The following PLAGL1 variants were observed in gnomAD, a reference collection of about 807,000 sequenced individuals.
The protein encoded by PLAGL1 is zinc finger protein PLAGL1.
Under a neutral mutation model 4.6 loss-of-function variants are expected in PLAGL1, and 1 was observed. The ratio of observed to expected loss-of-function variants is 0.22; its 90% CI spans 0.08 to 1.03. The LOEUF (loss-of-function observed/expected upper bound fraction) is 1.03. Ranked by LOEUF, PLAGL1 falls within the 50% of genes least tolerant of loss-of-function variation. The pLI is 0.58. For missense variants in PLAGL1, 464 were observed against 570.4 expected, an observed-to-expected ratio of 0.81 and a Z score of 1.90; for synonymous variants, 240 against 237.8, an observed-to-expected ratio of 1.01 and a Z score of -0.08.
Position 143,953,999 on chromosome 6 carries a change from G to T in PLAGL1, c.-324-5539C>A, listed in dbSNP as rs1394249758. 6.6e-6 allele frequency among the ~76,000 whole-genome samples: 1 copy of T among 152,174 alleles called. No homozygotes were observed. The highest frequency in any genetic ancestry group is 1.9e-4 in the East Asian group (1 of 5,186). On this transcript the variant is annotated intron_variant, in intron 6 of 7. Transcript: ENST00000674357. This position sits in a 1 kb window ranked among gnomAD's most constrained non-coding sequence, Gnocchi z 5.3. Reference sequence around the variant, plus strand: ...CTCGCTATGGAGACTGTATGAAAGTGGGGGAGTAGCCTGACACAGGGTGAA... The same window carrying T: ...CTCGCTATGGAGACTGTATGAAAGTTGGGGAGTAGCCTGACACAGGGTGAA...
chr6:144,044,918 A>G (rs185852988), intron 1 of PLAGL1, among the ~76,000 whole-genome samples: 181 of 148,932 alleles, frequency 1.2e-3, no homozygotes, highest in African/African-American at 4.1e-3. Context: ...TCACTTTACC[A>G]TTATGTAATG....
rs1393547401 is a variant in PLAGL1, at chr6:143,950,393, A to C, written c.-324-1933T>G. On this transcript the variant is annotated intron_variant, in intron 6 of 7. Coordinates refer to ENST00000674357, the MANE Select transcript of PLAGL1 (RefSeq NM_001317162.2). This position sits in a 1 kb window ranked among gnomAD's most constrained non-coding sequence, Gnocchi z 6.3. ...CCTCAACAGCCCTGGTCACAAACAA[A>C]ATAACTCCTTCTAGGAATTCTATTC... 1.3e-5 allele frequency among the ~76,000 whole-genome samples: 2 copies of C among 152,180 alleles called. No individual in the cohort carries two copies. Among genetic ancestry groups the C allele is most frequent in the African/African-American group, 4.8e-5 (2 of 41,438 alleles).
At position 143,953,265 on chromosome 6, in the gene PLAGL1, C is replaced by G. The variant is rs889968148; in HGVS notation, c.-324-4805G>C. ...TTATCCTCATTGTAGGAAGCACTAC[C>G]TGCCCTTCTATTCTGCTCTGAGAGA... On this transcript the variant is annotated intron_variant, in intron 6 of 7. Coordinates refer to ENST00000674357, the MANE Select transcript of PLAGL1 (RefSeq NM_001317162.2). The surrounding 1 kb of genome is among the most constrained non-coding windows in gnomAD (Gnocchi z 5.3). Among the ~76,000 whole-genome samples the G allele has an allele frequency of 6.6e-6, 1 of 152,238 alleles. No individual in the cohort carries two copies. Among genetic ancestry groups the G allele is most frequent in the African/African-American group, 2.4e-5 (1 of 41,458 alleles).
At position 143,957,125 on chromosome 6, in the gene PLAGL1, T is replaced by C. The variant is rs2247408; in HGVS notation, c.-325+3344A>G. Among the ~76,000 whole-genome samples, 93,277 of 152,214 alleles carry C rather than the reference T, an allele frequency of 0.61. 29,361 individuals carry two copies. The highest frequency in any genetic ancestry group is 0.7 in the Non-Finnish European group (47,351 of 68,018). On this transcript the variant is annotated intron_variant, in intron 6 of 7. Transcript: ENST00000674357. The surrounding 1 kb of genome is among the most constrained non-coding windows in gnomAD (Gnocchi z 4.2). ...GGCCTCCTCACCTCTCCCCACCATA[T>C]GCATTGTATTTTTAAATAGAAACAG... is the stretch of plus-strand genomic sequence containing the variant.
At chr6:144,054,389 A>T (rs1798793280) in intron 1 of PLAGL1, among the ~76,000 whole-genome samples, 1 of 152,258 alleles carries the variant, frequency 6.6e-6, no homozygotes, top group Non-Finnish European at 1.5e-5. Flanking sequence ...AAAATGTGGT[A>T]CATATATACC....
chr6:143,950,875 TTTTAC>T lies in PLAGL1; in HGVS notation c.-324-2420_-324-2416del, dbSNP rs1780922402. On this transcript the variant is annotated intron_variant, in intron 6 of 7. Coordinates refer to ENST00000674357, the MANE Select transcript of PLAGL1 (RefSeq NM_001317162.2). This position sits in a 1 kb window ranked among gnomAD's most constrained non-coding sequence, Gnocchi z 6.3. ...AAATGTGCCTCTGAGAAACTGAAAC[TTTTAC>T]TTTATTTAACTTTAATTTAAATTGC... Among the ~76,000 whole-genome samples the T allele has an allele frequency of 6.6e-6, 1 of 152,188 alleles. No homozygotes were observed.
chr6:144,017,073 T>A (rs553762327), intron 1 of PLAGL1, among the ~76,000 whole-genome samples: 2 of 152,108 alleles, frequency 1.3e-5, no homozygotes, highest in Non-Finnish European at 2.9e-5. Flanking sequence ...TTCAAACAGA[T>A]TGTGCACCAT....
Position 143,947,299 on chromosome 6 carries a change from C to T in PLAGL1, c.152+686G>A, listed in dbSNP as rs1779994821. ...TTACTCTCAGGACCTGGATCAGCCC[C>T]CACATTTCATCCCTGGACTCTGAGA... On this transcript the variant is annotated intron_variant, in intron 7 of 7. Transcript: ENST00000674357. The surrounding 1 kb of genome is among the most constrained non-coding windows in gnomAD (Gnocchi z 4.3). Among the ~76,000 whole-genome samples, 1 of 152,206 alleles carries T rather than the reference C, an allele frequency of 6.6e-6. No homozygotes were observed. Among genetic ancestry groups the T allele is most frequent in the Non-Finnish European group, 1.5e-5 (1 of 68,032 alleles).
rs1210150985 is a variant in PLAGL1 at position 143,955,838 on chromosome 6, G to A, written c.-325+4631C>T. Among the ~76,000 whole-genome samples, 1 of 152,166 alleles carries A rather than the reference G, an allele frequency of 6.6e-6. No homozygotes were observed. Among genetic ancestry groups the A allele is most frequent in the East Asian group, 1.9e-4 (1 of 5,172 alleles). On this transcript the variant is annotated intron_variant, in intron 6 of 7. Transcript: ENST00000674357. This position sits in a 1 kb window ranked among gnomAD's most constrained non-coding sequence, Gnocchi z 4.9. Reference sequence around the variant, plus strand: ...GAGAGAACACAGGCCTGCACAAGGAGAGAGGGCAGGTTCCAGTGACACTCT... The same window carrying A: ...GAGAGAACACAGGCCTGCACAAGGAAAGAGGGCAGGTTCCAGTGACACTCT...
intron 1 of PLAGL1, among the ~76,000 whole-genome samples, chr6:144,062,883 G>C (rs1364146656): frequency 6.6e-6 from 1 of 152,198 alleles, no homozygotes; most frequent in Non-Finnish European, 1.5e-5. Context: ...CCATAGGGCA[G>C]GACACATTGG....
At chr6:143,943,979 A>C (rs1285273030) in intron 7 of PLAGL1, among the ~76,000 whole-genome samples, 1 of 152,222 alleles carries the variant, frequency 6.6e-6, no homozygotes, top group Non-Finnish European at 1.5e-5. Context: ...TTAATAACTA[A>C]AATGCAGAGC....
At position 143,959,320 on chromosome 6, in the gene PLAGL1, C is replaced by T. The variant is rs892225388; in HGVS notation, c.-325+1149G>A. Among the ~76,000 whole-genome samples, 7 of 152,124 alleles carry T rather than the reference C, an allele frequency of 4.6e-5. No individual in the cohort carries two copies. The highest frequency in any genetic ancestry group is 8.8e-5 in the Non-Finnish European group (6 of 68,018). ...CCCACCTGTTCGCAGCCCATGGACT[C>T]GCCACTGAATACTTCGGCAGACACA... On this transcript the variant is annotated intron_variant, in intron 6 of 7. Coordinates refer to ENST00000674357, the MANE Select transcript of PLAGL1 (RefSeq NM_001317162.2). This position sits in a 1 kb window ranked among gnomAD's most constrained non-coding sequence, Gnocchi z 5.3.
intron 1 of PLAGL1, among the ~76,000 whole-genome samples, chr6:144,025,761 C>G (rs1796298258): frequency 1.3e-5 from 2 of 151,946 alleles, no homozygotes; most frequent in Admixed American, 1.3e-4. Context: ...GGTGTGGTGG[C>G]ACGCACCTGT....
chr6:143,990,026 C>T lies in PLAGL1; in HGVS notation c.-583-4852G>A, dbSNP rs1790092222. On this transcript the variant is annotated intron_variant, in intron 1 of 7. Transcript: ENST00000674357. This position sits in a 1 kb window ranked among gnomAD's most constrained non-coding sequence, Gnocchi z 5.4. ...CCCTCCCTAAAACCAGAGGCCAACT[C>T]CACCTCTCTATTCAAAATTTCTTAT... is the stretch of plus-strand genomic sequence containing the variant. Among the ~76,000 whole-genome samples the T allele has an allele frequency of 6.6e-6, 1 of 152,172 alleles. No individual in the cohort carries two copies. The highest frequency in any genetic ancestry group is 1.5e-5 in the Non-Finnish European group (1 of 68,014).
rs577086352 is a variant in PLAGL1 at position 143,950,468 on chromosome 6, C to A, written c.-324-2008G>T. ...GTATCATGATCTGTTCTACTTCTCACCCAGCCTAAGTTTGGCCATAATACC... is the reference window on the plus strand; with the variant it reads ...GTATCATGATCTGTTCTACTTCTCAACCAGCCTAAGTTTGGCCATAATACC... On this transcript the variant is annotated intron_variant, in intron 6 of 7. Coordinates refer to ENST00000674357, the MANE Select transcript of PLAGL1 (RefSeq NM_001317162.2). The surrounding 1 kb of genome is among the most constrained non-coding windows in gnomAD (Gnocchi z 6.3). Among the ~76,000 whole-genome samples, 9 of 152,310 alleles carry A rather than the reference C, an allele frequency of 5.9e-5. No individual in the cohort carries two copies. Among genetic ancestry groups the A allele is most frequent in the African/African-American group, 1.9e-4 (8 of 41,568 alleles).
At chr6:144,054,495 G>A (rs1384396715) in intron 1 of PLAGL1, among the ~76,000 whole-genome samples, 4 of 152,156 alleles carry the variant, frequency 2.6e-5, no homozygotes, top group African/African-American at 7.2e-5. Flanking sequence ...AACTAACACA[G>A]GAGCAGAAAA....
At chr6:144,024,650 A>G (rs1447615154) in intron 1 of PLAGL1, among the ~76,000 whole-genome samples, 3 of 152,224 alleles carry the variant, frequency 2.0e-5, no homozygotes, top group African/African-American at 7.2e-5. Flanking sequence ...TATTAGCAGC[A>G]TGAGAACAGA....
chr6:144,017,513 A>G (rs1795647207), intron 1 of PLAGL1, among the ~76,000 whole-genome samples: 1 of 152,162 alleles, frequency 6.6e-6, no homozygotes, highest in Non-Finnish European at 1.5e-5. Context: ...TGGCACCTCT[A>G]CTAAAATGTC....
At chr6:144,017,776 C>T (rs549965931) in intron 1 of PLAGL1, among the ~76,000 whole-genome samples, 2 of 152,338 alleles carry the variant, frequency 1.3e-5, no homozygotes, top group East Asian at 3.9e-4. Context: ...CCAGGATCTG[C>T]TCTCCCCTGG....
Sources: allele counts gnomAD v4.1 joint callset (sites outside exome capture counted in the v4.1 genomes callset), GRCh38; gene constraint gnomAD v4.1.1; non-coding constraint Gnocchi (gnomAD v3.1); transcripts MANE v1.5; gene names NCBI Gene and HGNC (gene_info 2026-07-23, HGNC 2026-07-21).